ATXN7: variants seen among roughly 807,000 people sequenced by gnomAD.
ATXN7 encodes ataxin 7, also known as ataxin-7.
A neutral mutation model predicts 70.5 loss-of-function variants in ATXN7; 12 were observed. The observed-to-expected ratio is 0.17, with a 90% confidence interval of 0.11 to 0.28. The LOEUF (loss-of-function observed/expected upper bound fraction) is 0.28. ATXN7 is among the 10% of genes least tolerant of loss of function. The pLI is 1.00. For synonymous variants in ATXN7, 498 were observed against 448.7 expected, an observed-to-expected ratio of 1.11 and a Z score of -1.39; for missense variants, 1,256 against 1,131.7, an observed-to-expected ratio of 1.11 and a Z score of -1.58.
chr3:63,864,685 T>A (rs1702353511), intron 1 of ATXN7: 2 of 152,232 alleles, frequency 1.3e-5, no homozygotes, highest in Non-Finnish European at 2.9e-5. Flanking sequence ...GTGATCGTGA[T>A]GGGGTGCTTT....
chr3:63,971,821 T>TTTC (rs1333142735), intron 5 of ATXN7, among the ~76,000 whole-genome samples: 1 of 152,210 alleles, frequency 6.6e-6, no homozygotes, highest in African/African-American at 2.4e-5. Context: ...TTGTGCAGAT[T>TTTC]TGGAAAAGGA....
At chr3:63,979,385 A>G (rs116756457) in intron 5 of ATXN7, among the ~76,000 whole-genome samples, 1,836 of 152,342 alleles carry the variant, frequency 0.012, 16 homozygotes, top group Middle Eastern at 0.034. Flanking sequence ...GAACGATAAG[A>G]TAACCCTAGA....
At chr3:63,973,405 G>A (rs1410145511) in intron 5 of ATXN7, among the ~76,000 whole-genome samples, 1 of 151,960 alleles carries the variant, frequency 6.6e-6, no homozygotes. Flanking sequence ...GTTTGCTGAT[G>A]GTCTTTTGTA....
At chr3:63,982,474 G>A in intron 7 of ATXN7, 29 bp downstream of exon 7, 1 of 1,538,394 alleles carries the variant, frequency 6.5e-7, no homozygotes, top group Non-Finnish European at 8.9e-7. Context: ...TCTTCATAAT[G>A]CTTCTCTATA....
At chr3:63,871,894 T>G (rs1217797793) in intron 1 of ATXN7, among the ~76,000 whole-genome samples, 1 of 152,220 alleles carries the variant, frequency 6.6e-6, no homozygotes. Flanking sequence ...ATTTAATGCT[T>G]TAATTATCAA....
In ATXN7 at chr3:63,863,911, C is replaced by T. The variant is rs993247931; in HGVS notation, c.-358C>T. On this transcript the variant is annotated 5_prime_UTR_variant, in exon 1 of 13. Coordinates refer to ENST00000674280, the MANE Select transcript of ATXN7 (RefSeq NM_001377405.1). The stretch of plus-strand genomic sequence containing the variant: ...AGCCATGGAGGAGGAGGCGGCGGCG[C>T]CCGCGGCCGCCTGCTCCGACGCCTG... The T allele has an allele frequency of 1.2e-3, 1,165 of 1,005,230 alleles. No individual in the cohort carries two copies. Among genetic ancestry groups the T allele is most frequent in the Non-Finnish European group, 1.3e-3 (1,114 of 828,728 alleles). 62.3% of individuals were successfully genotyped at this position (1,005,230 alleles called of 1,614,324 possible). A position where few individuals can be genotyped will look rare whatever the true frequency, so the allele number is the denominator to read the frequency against.
At position 63,912,732 on chromosome 3, in the gene ATXN7, C is replaced by G. The variant is rs1192441909; in HGVS notation, c.134C>G (p.Pro45Arg). 1.5e-5 allele frequency: 19 copies of G among 1,268,154 alleles called. No homozygotes were observed. The highest frequency in any genetic ancestry group is 1.9e-5 in the Non-Finnish European group (19 of 1,000,796). 78.6% of individuals were successfully genotyped at this position (1,268,154 alleles called of 1,614,324 possible). A position where few individuals can be genotyped will look rare whatever the true frequency, so the allele number is the denominator to read the frequency against. The change falls in exon 3 of 13, where the codon CCC (proline) becomes CGC (arginine). Residue 45 changes from proline (P) to arginine (R), a missense_variant. Transcript: ENST00000674280. ...CAGCAGCAGCCGCCGCCTCCGCAGC[C>G]CCAGCGGCAGCAGCACCCGCCACCG... is the stretch of plus-strand genomic sequence containing the variant. ...QQQQQPPPPQ[P>R]QRQQHPPPPP...
intron 2 of ATXN7, among the ~76,000 whole-genome samples, chr3:63,902,589 T>A (rs1174602000): frequency 6.6e-6 from 1 of 151,680 alleles, no homozygotes; most frequent in East Asian, 1.9e-4. Flanking sequence ...ATGCTAAGGG[T>A]GGGAAAAGGT....
chr3:63,968,006 G>A (rs549435490), intron 5 of ATXN7: 3 of 1,517,510 alleles, frequency 2.0e-6, no homozygotes, highest in Admixed American at 2.0e-5. Flanking sequence ...TTCAGAGTCT[G>A]GGCTTGGCTC....
At chr3:63,978,103 G>A (rs1005206021) in intron 5 of ATXN7, among the ~76,000 whole-genome samples, 8 of 152,194 alleles carry the variant, frequency 5.3e-5, no homozygotes, top group Non-Finnish European at 8.8e-5. Flanking sequence ...CTACTGTAGT[G>A]TCTCAACCGT....
intron 3 of ATXN7, 34 bp from the exon 4 acceptor site, chr3:63,913,123 C>T (rs200934529): frequency 2.5e-6 from 4 of 1,605,170 alleles, no homozygotes; most frequent in African/African-American, 2.7e-5. Context: ...ACTGACCTGC[C>T]TCTCCCCTCC....
At chr3:63,969,019 T>G (rs2075270894) in intron 5 of ATXN7, among the ~76,000 whole-genome samples, 1 of 152,244 alleles carries the variant, frequency 6.6e-6, no homozygotes, top group South Asian at 2.1e-4. Flanking sequence ...TTAGGTTCAC[T>G]GTTTCTGCTT....
In ATXN7 at chr3:63,998,381, C is replaced by T. The variant is rs1426708027; in HGVS notation, c.2662-1069C>T. On this transcript the variant is annotated intron_variant, in intron 12 of 12. Transcript: ENST00000674280. ...GTGTATATATATATGTATACACACA[C>T]GTATACACACACACTTTTTTTTCTC... 15 of 983,754 alleles carry T rather than the reference C, an allele frequency of 1.5e-5. No homozygotes were observed. In the South Asian group the frequency reaches 3.8e-4, roughly 25 times the overall value. The allele number at this position is 983,754 out of a possible 1,614,324, so 60.9% of individuals were successfully genotyped here. A position where few individuals can be genotyped will look rare whatever the true frequency, so the allele number is the denominator to read the frequency against.
At chr3:63,945,268 A>G (rs772153701) in intron 4 of ATXN7, among the ~76,000 whole-genome samples, 1 of 152,226 alleles carries the variant, frequency 6.6e-6, no homozygotes. Context: ...CCATGCTCAC[A>G]TAGCTAGTAA....
chr3:63,894,501 T>C (rs1409273356), intron 1 of ATXN7, among the ~76,000 whole-genome samples: 1 of 152,174 alleles, frequency 6.6e-6, no homozygotes, highest in Non-Finnish European at 1.5e-5. Flanking sequence ...GACACAGTAC[T>C]TGGCATGGAG....
At chr3:63,904,991 A>G (rs1703785503) in intron 2 of ATXN7, 2 of 152,196 alleles carry the variant, frequency 1.3e-5, no homozygotes, top group South Asian at 2.1e-4. Flanking sequence ...ATGACTAATG[A>G]TATTGACCTT....
intron 4 of ATXN7, among the ~76,000 whole-genome samples, chr3:63,934,943 A>G (rs912897277): frequency 6.6e-6 from 1 of 152,168 alleles, no homozygotes; most frequent in Non-Finnish European, 1.5e-5. Flanking sequence ...CTACCACTGG[A>G]TTCTAGTTGT....
Position 63,996,485 on chromosome 3 carries a change from T to C in ATXN7, c.2661+2T>C. ...ATGAACAGTTCCCTCCTTCATCAGGTAGGAAATGGACTGTGAGCCCCATGG... is the reference window on the plus strand; with the variant it reads ...ATGAACAGTTCCCTCCTTCATCAGGCAGGAAATGGACTGTGAGCCCCATGG... On this transcript the variant is annotated splice_donor_variant, in intron 12 of 12. Coordinates refer to ENST00000674280, the MANE Select transcript of ATXN7 (RefSeq NM_001377405.1). LOFTEE classifies it high-confidence loss of function. 6.2e-7 allele frequency: 1 copy of C among 1,613,852 alleles called. No homozygotes were observed.
chr3:63,953,341 G>A (rs376120885), intron 5 of ATXN7, among the ~76,000 whole-genome samples: 1 of 152,108 alleles, frequency 6.6e-6, no homozygotes, highest in African/African-American at 2.4e-5. Context: ...TTGATGCAGA[G>A]GGAACAGCCA....
Sources: allele counts gnomAD v4.1 joint callset (sites outside exome capture counted in the v4.1 genomes callset), GRCh38; gene constraint gnomAD v4.1.1; transcripts MANE v1.5; gene names NCBI Gene and HGNC (gene_info 2026-07-23, HGNC 2026-07-21).